DIAPH3: variants seen among roughly 807,000 people sequenced by gnomAD.
DIAPH3 encodes diaphanous related formin 3.
A neutral mutation model predicts 144.3 loss-of-function variants in DIAPH3; 117 were observed. The ratio of observed to expected loss-of-function variants is 0.81; its 90% CI spans 0.70 to 0.95. The LOEUF (loss-of-function observed/expected upper bound fraction) is 0.95, where lower values mean the gene tolerates loss of function less well. Ranked by LOEUF, DIAPH3 falls within the 40% of genes least tolerant of loss-of-function variation. The pLI is 0.00. For missense variants in DIAPH3, 1,421 were observed against 1,412.7 expected (o/e 1.01, Z -0.09); for synonymous variants, 519 against 488.9 (o/e 1.06, Z -0.81).
At chr13:59,960,348 T>G (rs1257186885) in intron 17 of DIAPH3, among the ~76,000 whole-genome samples, 1 of 152,204 alleles carries the variant, frequency 6.6e-6, no homozygotes, top group Admixed American at 6.5e-5. Flanking sequence ...AATGGTATAA[T>G]GGCATATAGT....
intron 24 of DIAPH3, among the ~76,000 whole-genome samples, chr13:59,830,967 C>T (rs182233879): frequency 6.6e-6 from 1 of 151,722 alleles, no homozygotes; most frequent in East Asian, 1.9e-4. Flanking sequence ...CAAGAGGCAG[C>T]ATGACATAAT....
intron 1 of DIAPH3, among the ~76,000 whole-genome samples, chr13:60,137,796 T>G (rs1281956657): frequency 2.7e-5 from 4 of 148,446 alleles, no homozygotes; most frequent in African/African-American, 7.5e-5. Flanking sequence ...CAGGCTGGAG[T>G]GCAGCAGTGC....
intron 21 of DIAPH3, among the ~76,000 whole-genome samples, chr13:59,873,828 T>C (rs2044437079): frequency 6.6e-6 from 1 of 151,836 alleles, no homozygotes. Context: ...CCTGCCACTA[T>C]GCCCAGATAA....
intron 25 of DIAPH3, among the ~76,000 whole-genome samples, chr13:59,800,000 C>T (rs1257552949): frequency 7.2e-6 from 1 of 138,190 alleles, no homozygotes; most frequent in Non-Finnish European, 1.6e-5. Flanking sequence ...ATGAGATAAA[C>T]ACTTACTTCA....
At chr13:59,734,922 T>A (rs1351989578) in intron 27 of DIAPH3, among the ~76,000 whole-genome samples, 2 of 152,188 alleles carry the variant, frequency 1.3e-5, no homozygotes, top group African/African-American at 4.8e-5. Flanking sequence ...CACAGAAGAC[T>A]CCTATTATTT....
Position 60,106,870 on chromosome 13 carries a change from A to T in DIAPH3, c.390+5140T>A, listed in dbSNP as rs2058434608. 2.0e-5 allele frequency among the ~76,000 whole-genome samples: 3 copies of T among 152,160 alleles called. No homozygotes were observed. The South Asian group carries it at 6.2e-4, about 31-fold the overall frequency. On this transcript the variant is annotated intron_variant, in intron 3 of 27. Transcript: ENST00000400324. Reference sequence around the variant, plus strand: ...TGCAAAACTTAAAAAGTCTAATACTAATGCAAACAGGGATGTTCTACAAAT... The same window carrying T: ...TGCAAAACTTAAAAAGTCTAATACTTATGCAAACAGGGATGTTCTACAAAT...
intron 18 of DIAPH3, among the ~76,000 whole-genome samples, chr13:59,924,165 G>C (rs2047648777): frequency 6.6e-6 from 1 of 152,096 alleles, no homozygotes; most frequent in African/African-American, 2.4e-5. Flanking sequence ...AGTTAGAAAT[G>C]AGTTAAGAGC....
chr13:59,838,745 T>C (rs528359510), intron 23 of DIAPH3: 1 of 153,418 alleles, frequency 6.5e-6, no homozygotes, highest in Admixed American at 6.4e-5. Context: ...ATAAGGTATA[T>C]GACAGGGAAA....
At chr13:59,892,152 G>A (rs892216670) in intron 20 of DIAPH3, among the ~76,000 whole-genome samples, 9 of 151,782 alleles carry the variant, frequency 5.9e-5, no homozygotes, top group Non-Finnish European at 1.2e-4. Flanking sequence ...AAAAATAAAC[G>A]CTATAAATAA....
chr13:60,121,878 A>C (rs538967359), intron 2 of DIAPH3, among the ~76,000 whole-genome samples: 1 of 152,026 alleles, frequency 6.6e-6, no homozygotes, highest in South Asian at 2.1e-4. Flanking sequence ...TGTGGACTAC[A>C]CCTCCTTTAT....
chr13:59,832,465 A>C (rs1010605038), intron 24 of DIAPH3, among the ~76,000 whole-genome samples: 1 of 151,772 alleles, frequency 6.6e-6, no homozygotes, highest in South Asian at 2.1e-4. Flanking sequence ...AAGAATAACA[A>C]TTTTTCATTG....
chr13:59,954,039 C>A (rs1403914259), intron 17 of DIAPH3, among the ~76,000 whole-genome samples: 2 of 152,276 alleles, frequency 1.3e-5, no homozygotes, highest in Middle Eastern at 6.8e-3. Flanking sequence ...CACCAAGGTC[C>A]ATTCCATACC....
chr13:59,892,029 A>G (rs1172089978), intron 20 of DIAPH3, among the ~76,000 whole-genome samples: 2 of 152,034 alleles, frequency 1.3e-5, no homozygotes, highest in African/African-American at 4.8e-5. Flanking sequence ...ACAAGCAACA[A>G]CAACAACAAC....
intron 15 of DIAPH3, among the ~76,000 whole-genome samples, chr13:59,971,810 A>T (rs1392259838): frequency 6.6e-6 from 1 of 152,124 alleles, no homozygotes; most frequent in Non-Finnish European, 1.5e-5. Context: ...TGCCAACCTC[A>T]TGCTAATTTC....
rs2051892485 is a variant in DIAPH3 at position 59,992,503 on chromosome 13, A to C, written c.1095T>G (p.Phe365Leu). 6.2e-7 allele frequency: 1 copy of C among 1,612,024 alleles called. No homozygotes were observed. The highest frequency in any genetic ancestry group is 1.3e-5 in the African/African-American group (1 of 74,792). ...LDFRLHIRNE[F>L]MRCGLKEILP... ...ATATCTCTTTCAATCCACAACGCAT[A>C]AATTCATTTCTGATGTGAAGCCTGA... The change falls in exon 10 of 28, where the codon TTT becomes TTG. Residue 365 changes from phenylalanine (F) to leucine (L), a missense_variant. Phe to Leu is a conservative substitution (Grantham distance 22, BLOSUM62 0). Coordinates refer to ENST00000400324, the MANE Select transcript of DIAPH3 (RefSeq NM_001042517.2).
intron 14 of DIAPH3, among the ~76,000 whole-genome samples, chr13:59,976,382 A>C (rs1486083364): frequency 1.3e-5 from 2 of 152,000 alleles, no homozygotes; most frequent in East Asian, 3.9e-4. Context: ...AATTATCAAA[A>C]ATAAATAAAG....
Position 59,666,511 on chromosome 13 carries a change from T to C in DIAPH3, c.*73A>G, listed in dbSNP as rs1343989324. ...TATAAAGTCACTTACATAAAAGCAA[T>C]TTTTTCAAGTGTTATAGTTTAGAGC... On this transcript the variant is annotated 3_prime_UTR_variant, in exon 28 of 28. Transcript: ENST00000400324. 1.3e-6 allele frequency: 2 copies of C among 1,566,634 alleles called. No individual in the cohort carries two copies. Among genetic ancestry groups the C allele is most frequent in the African/African-American group, 1.4e-5 (1 of 72,562 alleles).
chr13:59,837,604 TAAC>T (rs1430273005), intron 23 of DIAPH3: 1 of 153,036 alleles, frequency 6.5e-6, no homozygotes, highest in Non-Finnish European at 1.5e-5. Flanking sequence ...ACTTAGTTAT[TAAC>T]AAACTGTCAC....
intron 23 of DIAPH3, 112 bp from the exon 24 acceptor site, chr13:59,833,383 A>G (rs2041883260): frequency 3.9e-6 from 3 of 770,052 alleles, no homozygotes; most frequent in Non-Finnish European, 6.0e-6. Flanking sequence ...TATTTCCAAA[A>G]TTCTAAAATT....
Sources: allele counts gnomAD v4.1 joint callset (sites outside exome capture counted in the v4.1 genomes callset), GRCh38; gene constraint gnomAD v4.1.1; transcripts MANE v1.5; gene names NCBI Gene and HGNC (gene_info 2026-07-23, HGNC 2026-07-21).